Variants in ARHGEF6 observed in about 807,000 individuals in gnomAD.
The protein encoded by ARHGEF6 is rho guanine nucleotide exchange factor 6.
ARHGEF6 carries 9 observed loss-of-function variants against 70.3 expected under a neutral mutation model. The ratio of observed to expected loss-of-function variants is 0.13; its 90% CI spans 0.08 to 0.22. ARHGEF6 has a LOEUF of 0.22. ARHGEF6 is among the 10% of genes least tolerant of loss of function. The probability of loss-of-function intolerance (pLI) is 1.00; values close to 1 mark genes in which losing one functional copy is unlikely to be tolerated. For synonymous variants in ARHGEF6, 201 were observed against 207.8 expected, an observed-to-expected ratio of 0.97 and a Z score of 0.28; for missense variants, 470 against 563.0, an observed-to-expected ratio of 0.83 and a Z score of 1.67.
intron 2 of ARHGEF6, among the ~76,000 whole-genome samples, chrX:136,766,616 C>A (rs747552974): frequency 8.9e-6 from 1 of 112,261 alleles, no homozygotes; most frequent in African/African-American, 3.2e-5. Context: ...AGCTAAGAAA[C>A]GAAATAGCTC....
chrX:136,685,857 A>G, intron 11 of ARHGEF6, 34 bp from the exon 12 acceptor site: 1 of 1,197,851 alleles, frequency 8.3e-7, no homozygotes, highest in Non-Finnish European at 1.1e-6. Flanking sequence ...ATGGAATAGG[A>G]ATTCTTATGA....
At chrX:136,759,367 C>T (rs752045090) in intron 2 of ARHGEF6, among the ~76,000 whole-genome samples, 4 of 111,494 alleles carry the variant, frequency 3.6e-5, no homozygotes, top group Non-Finnish European at 5.7e-5. Context: ...AAGGCTGGCG[C>T]GGTGGCTCAC....
At chrX:136,696,309 C>T (rs896819012) in intron 9 of ARHGEF6, among the ~76,000 whole-genome samples, 11 of 111,610 alleles carry the variant, frequency 9.9e-5, no homozygotes, top group Non-Finnish European at 1.9e-4. Flanking sequence ...TAAAAAAAAG[C>T]GTAGCAGGTG....
chrX:136,729,210 G>A (rs1413959097), intron 6 of ARHGEF6, among the ~76,000 whole-genome samples: 3 of 107,302 alleles, frequency 2.8e-5, no homozygotes, highest in African/African-American at 1.0e-4. Flanking sequence ...TCTCACACCT[G>A]TAATCCCAGC....
At chrX:136,678,915 TGA>T (rs1443249140) in intron 16 of ARHGEF6, among the ~76,000 whole-genome samples, 3 of 111,276 alleles carry the variant, frequency 2.7e-5, no homozygotes, top group African/African-American at 9.8e-5. Flanking sequence ...CAGAAGCTAG[TGA>T]GTGACACTTC....
intron 2 of ARHGEF6, among the ~76,000 whole-genome samples, chrX:136,760,365 A>G (rs756721167): frequency 6.6e-4 from 74 of 112,578 alleles, no homozygotes; most frequent in Admixed American, 1.9e-3. Context: ...CACCTCAATG[A>G]TAACAATAAG....
rs1019958894 is a variant in ARHGEF6, at chrX:136,745,171, A to G, written c.459+52T>C. 6.7e-6 allele frequency: 8 copies of G among 1,198,697 alleles called. No homozygotes were observed. In the African/African-American group the frequency reaches 1.2e-4, roughly 18 times the overall value. ...CATATGGAGATGCAACTAGGATATC[A>G]ATCTAATTTTATGGATTTTAAAACA... On this transcript the variant is annotated intron_variant, in intron 4 of 21. Coordinates refer to ENST00000250617, the MANE Select transcript of ARHGEF6 (RefSeq NM_004840.3).
At chrX:136,669,764 A>G (rs769531246) in intron 20 of ARHGEF6, among the ~76,000 whole-genome samples, 2 of 111,833 alleles carry the variant, frequency 1.8e-5, no homozygotes, top group Non-Finnish European at 3.8e-5. Context: ...CACCTTTTCT[A>G]TACTTCCCTC....
chrX:136,668,318 G>A (rs975064314), intron 21 of ARHGEF6, 149 bp from the exon 22 acceptor site: 2 of 673,172 alleles, frequency 3.0e-6, no homozygotes, highest in Non-Finnish European at 4.5e-6. Flanking sequence ...GCAGCCTGTC[G>A]ATTCTCCTGC....
intron 17 of ARHGEF6, 111 bp downstream of exon 17, chrX:136,677,825 C>T: frequency 9.7e-6 from 6 of 619,982 alleles, no homozygotes; most frequent in Non-Finnish European, 1.2e-5. Context: ...ATATTTTAGC[C>T]ACCAATTATA....
chrX:136,736,128 A>G (rs1294712511), intron 5 of ARHGEF6, among the ~76,000 whole-genome samples: 1 of 112,069 alleles, frequency 8.9e-6, no homozygotes, highest in Non-Finnish European at 1.9e-5. Flanking sequence ...CAAAGTCCCA[A>G]CAAAACCCTC....
Position 136,680,736 on chromosome X carries a change from G to T in ARHGEF6, c.1699C>A (p.His567Asn), listed in dbSNP as rs775198963. 1 of 1,211,560 alleles carries T rather than the reference G, an allele frequency of 8.3e-7. No homozygotes were observed. Among genetic ancestry groups the T allele is most frequent in the South Asian group, 1.8e-5 (1 of 56,962 alleles). The change falls in exon 15 of 22, where the codon CAT (histidine) becomes AAT (asparagine). Residue 567 changes from histidine (H) to asparagine (N), a missense_variant. His to Asn is a moderately conservative substitution (Grantham distance 68). Coordinates refer to ENST00000250617, the MANE Select transcript of ARHGEF6 (RefSeq NM_004840.3). ...SKTSSSSCSA[H>N]SSFSSTGQPR... ...AGAACACATGGACTACTTACAGAAT[G>T]AGCACTACATGATGACGATGAGGTT...
rs190193937 is a variant in ARHGEF6, at chrX:136,756,380, A to C, written c.250-8788T>G. On this transcript the variant is annotated intron_variant, in intron 2 of 21. Transcript: ENST00000250617. ...GGTAATAGAGGTTCCTCTAAATGCC[A>C]TCACAAAGCACCATGACCTCATTAT... Among the ~76,000 whole-genome samples, 32 of 112,030 alleles carry C rather than the reference A, an allele frequency of 2.9e-4. No individual in the cohort carries two copies. In the East Asian group the frequency reaches 5.3e-3, roughly 19 times the overall value.
At chrX:136,668,539 A>C (rs184167723) in intron 21 of ARHGEF6, among the ~76,000 whole-genome samples, 7,424 of 91,383 alleles carry the variant, frequency 0.081, 512 homozygotes, top group African/African-American at 0.23. Context: ...TCTTCTTATT[A>C]TTATTATTAT....
intron 2 of ARHGEF6, among the ~76,000 whole-genome samples, chrX:136,773,162 G>A (rs1185987667): frequency 9.0e-5 from 10 of 111,300 alleles, no homozygotes; most frequent in Admixed American, 8.6e-4. Context: ...CTGCATCTGC[G>A]GCTCCATTTT....
intron 6 of ARHGEF6, among the ~76,000 whole-genome samples, chrX:136,729,778 T>C (rs958813998): frequency 1.6e-3 from 170 of 103,697 alleles, no homozygotes; most frequent in Non-Finnish European, 2.8e-3. Flanking sequence ...TGCAGTGAGC[T>C]GAGATCGTGC....
chrX:136,687,553 C>A (rs968942533), intron 11 of ARHGEF6, among the ~76,000 whole-genome samples: 7 of 112,132 alleles, frequency 6.2e-5, no homozygotes, highest in Admixed American at 2.8e-4. Context: ...AACTCATACC[C>A]TTTGGCATAA....
intron 6 of ARHGEF6, among the ~76,000 whole-genome samples, chrX:136,714,013 G>A (rs2076712815): frequency 8.9e-6 from 1 of 111,988 alleles, no homozygotes; most frequent in Non-Finnish European, 1.9e-5. Flanking sequence ...AACAAAATCT[G>A]AGGATACAGT....
chrX:136,755,239 T>G, intron 2 of ARHGEF6, among the ~76,000 whole-genome samples: 1 of 112,355 alleles, frequency 8.9e-6, no homozygotes, highest in South Asian at 3.7e-4. Context: ...CCCAAATCAA[T>G]GTCCAACATC....
Sources: allele counts gnomAD v4.1 joint callset (sites outside exome capture counted in the v4.1 genomes callset), GRCh38; gene constraint gnomAD v4.1.1; transcripts MANE v1.5; gene names NCBI Gene and HGNC (gene_info 2026-07-23, HGNC 2026-07-21).